The following ADCY5 variants were observed in gnomAD, a reference collection of about 807,000 sequenced individuals.
ADCY5 encodes adenylate cyclase type 5.
A neutral mutation model predicts 119.7 loss-of-function variants in ADCY5; 30 were observed. That is an observed-to-expected ratio of 0.25 (90% CI 0.19 to 0.34). The LOEUF is 0.34. ADCY5 is among the 10% of genes least tolerant of loss of function. The pLI is 1.00. For synonymous variants in ADCY5, 753 were observed against 762.2 expected, an observed-to-expected ratio of 0.99 and a Z score of 0.20; for missense variants, 1,324 against 1,775.2, an observed-to-expected ratio of 0.75 and a Z score of 4.57.
At chr3:123,319,368 TG>T (rs1941092842) in intron 10 of ADCY5, among the ~76,000 whole-genome samples, 1 of 123,458 alleles carries the variant, frequency 8.1e-6, no homozygotes, top group Non-Finnish European at 1.7e-5. Context: ...AAAAAAAAAA[TG>T]AAAAAAGAAA....
At chr3:123,404,968 T>C (rs1369918755) in intron 1 of ADCY5, among the ~76,000 whole-genome samples, 1 of 152,180 alleles carries the variant, frequency 6.6e-6, no homozygotes, top group Non-Finnish European at 1.5e-5. Context: ...TATCTTGGGG[T>C]CTCAGCACCT....
At chr3:123,408,124 C>T (rs947886689) in intron 1 of ADCY5, among the ~76,000 whole-genome samples, 2 of 152,130 alleles carry the variant, frequency 1.3e-5, no homozygotes, top group African/African-American at 4.8e-5. Flanking sequence ...CCTGGACCTA[C>T]GGTGAAAAAT....
At chr3:123,357,721 T>A (rs536290304) in intron 1 of ADCY5, among the ~76,000 whole-genome samples, 1 of 152,204 alleles carries the variant, frequency 6.6e-6, no homozygotes, top group Admixed American at 6.5e-5. Context: ...ACACACACAC[T>A]CACACCATCT....
chr3:123,309,239 A>G (rs928530272), intron 12 of ADCY5, among the ~76,000 whole-genome samples: 1 of 152,222 alleles, frequency 6.6e-6, no homozygotes, highest in Non-Finnish European at 1.5e-5. Context: ...TTGGATGGCA[A>G]AACAGTTTAA....
intron 11 of ADCY5, among the ~76,000 whole-genome samples, chr3:123,316,317 A>G (rs1382616143): frequency 2.0e-5 from 3 of 152,168 alleles, no homozygotes; most frequent in Non-Finnish European, 4.4e-5. Flanking sequence ...ACTATCACAG[A>G]TGGGAGGGGA....
intron 1 of ADCY5, among the ~76,000 whole-genome samples, chr3:123,371,917 A>G (rs573430266): frequency 1.3e-5 from 2 of 152,140 alleles, no homozygotes; most frequent in African/African-American, 4.8e-5. Context: ...GAGTGAGGGG[A>G]TTTGAAGAAG....
chr3:123,345,790 A>ACACACACACACACACG (rs1942521045), intron 3 of ADCY5, among the ~76,000 whole-genome samples: 1 of 151,694 alleles, frequency 6.6e-6, no homozygotes, highest in Non-Finnish European at 1.5e-5. Flanking sequence ...ACACACACAC[A>ACACACACACACACACG]CACACAGGAA....
At chr3:123,416,113 G>A (rs2107631278) in intron 1 of ADCY5, 1 of 1,513,794 alleles carries the variant, frequency 6.6e-7, no homozygotes, top group Non-Finnish European at 8.9e-7. Context: ...AAGGTGGAAG[G>A]GCAAAGGAGA....
At chr3:123,388,712 G>A (rs1037454662) in intron 1 of ADCY5, among the ~76,000 whole-genome samples, 1 of 152,182 alleles carries the variant, frequency 6.6e-6, no homozygotes, top group Non-Finnish European at 1.5e-5. Flanking sequence ...GCCAAAGAAA[G>A]ACAAGAATGG....
At chr3:123,291,486 C>G (rs139727078) in intron 17 of ADCY5, 110 bp from the exon 18 acceptor site, 1 of 1,349,644 alleles carries the variant, frequency 7.4e-7, no homozygotes, top group African/African-American at 1.5e-5. Flanking sequence ...CACGCAAATG[C>G]CAACTTGTGC....
At chr3:123,357,143 T>C (rs1943067032) in intron 1 of ADCY5, among the ~76,000 whole-genome samples, 1 of 152,118 alleles carries the variant, frequency 6.6e-6, no homozygotes, top group Non-Finnish European at 1.5e-5. Context: ...TCCTGTATCT[T>C]GATTGTGTTA....
intron 1 of ADCY5, among the ~76,000 whole-genome samples, chr3:123,359,331 A>AT (rs1943154404): frequency 9.1e-6 from 1 of 109,766 alleles, no homozygotes; most frequent in South Asian, 2.8e-4. Context: ...CTTATACTAA[A>AT]ATATATATAT....
intron 1 of ADCY5, among the ~76,000 whole-genome samples, chr3:123,362,783 T>C (rs1943296925): frequency 6.6e-6 from 1 of 152,184 alleles, no homozygotes; most frequent in African/African-American, 2.4e-5. Flanking sequence ...TCGCAAAGAA[T>C]ATGCCAGAGG....
At chr3:123,346,639 C>G (rs201195394) in intron 3 of ADCY5, among the ~76,000 whole-genome samples, 14,334 of 135,000 alleles carry the variant, frequency 0.11, 1,781 homozygotes, top group African/African-American at 0.28. Flanking sequence ...CTCTCTCTCT[C>G]TCTGTGTGTA....
intron 1 of ADCY5, among the ~76,000 whole-genome samples, chr3:123,388,495 G>A: frequency 6.6e-6 from 1 of 152,142 alleles, no homozygotes; most frequent in East Asian, 1.9e-4. Context: ...GTACCCCAGG[G>A]AGCAATAACT....
At chr3:123,405,608 TATTTTATTTTATTTTACTCC>T (rs1406646438) in intron 1 of ADCY5, among the ~76,000 whole-genome samples, 10 of 152,172 alleles carry the variant, frequency 6.6e-5, no homozygotes, top group Non-Finnish European at 1.3e-4. Flanking sequence ...TTATTTTATT[TATTTTATTTTATTTTACTCC>T]ATTTTATTTT....
intron 12 of ADCY5, among the ~76,000 whole-genome samples, chr3:123,306,396 C>T (rs986262561): frequency 1.3e-5 from 2 of 152,102 alleles, no homozygotes; most frequent in Non-Finnish European, 2.9e-5. Flanking sequence ...GACCAGAAAA[C>T]TTAAATGTAA....
chr3:123,415,056 G>A (rs1003615856), intron 1 of ADCY5, among the ~76,000 whole-genome samples: 2 of 152,168 alleles, frequency 1.3e-5, no homozygotes, highest in African/African-American at 2.4e-5. Context: ...GTGAGCTACA[G>A]CAGGGCCCAC....
chr3:123,316,366 G>T (rs1440735229), intron 11 of ADCY5, among the ~76,000 whole-genome samples: 1 of 152,216 alleles, frequency 6.6e-6, no homozygotes, highest in Non-Finnish European at 1.5e-5. Flanking sequence ...ATGGGATCCT[G>T]AACTGGCTCC....
Sources: gnomAD v4.1 joint callset for allele counts (sites outside exome capture counted in the v4.1 genomes callset) on GRCh38, gnomAD v4.1.1 for gene constraint, MANE v1.5 for transcripts, NCBI Gene and HGNC (gene_info 2026-07-23, HGNC 2026-07-21) for gene names.